ACTG2: variants seen among roughly 807,000 people sequenced by gnomAD.
ACTG2 encodes the protein actin gamma 2, smooth muscle, also known as actin, gamma-enteric smooth muscle.
Under a neutral mutation model 37.6 loss-of-function variants are expected in ACTG2, and 16 were observed. That is an observed-to-expected ratio of 0.43 (90% confidence interval 0.29 to 0.65). The LOEUF is 0.65. ACTG2 is among the 30% of genes least tolerant of loss of function. The pLI, the probability that ACTG2 is intolerant of heterozygous loss-of-function variation, is 0.18. For missense variants in ACTG2, 238 were observed against 490.9 expected, an observed-to-expected ratio of 0.48 and a Z score of 4.87; for synonymous variants, 181 against 179.9, an observed-to-expected ratio of 1.01 and a Z score of -0.05.
At chr2:73,912,799 A>G (rs886980369) in intron 5 of ACTG2, among the ~76,000 whole-genome samples, 1 of 152,240 alleles carries the variant, frequency 6.6e-6, no homozygotes, top group African/African-American at 2.4e-5. Flanking sequence ...AATTGGCTAG[A>G]ACATCCTGGA....
chr2:73,894,536 GTC>G (rs1187116991), intron 1 of ACTG2, among the ~76,000 whole-genome samples: 7 of 152,298 alleles, frequency 4.6e-5, no homozygotes, highest in African/African-American at 1.7e-4. Context: ...GCCAGGCACT[GTC>G]TCTGCTCCTT....
At chr2:73,912,400 G>GC (rs1216218627) in intron 5 of ACTG2, among the ~76,000 whole-genome samples, 1 of 152,150 alleles carries the variant, frequency 6.6e-6, no homozygotes, top group Non-Finnish European at 1.5e-5. Context: ...CAAGTGATCT[G>GC]CCCCCCTTGG....
intron 1 of ACTG2, among the ~76,000 whole-genome samples, chr2:73,896,569 G>C (rs1264872004): frequency 6.6e-6 from 1 of 152,118 alleles, no homozygotes; most frequent in Non-Finnish European, 1.5e-5. Flanking sequence ...GGAGAAGAGG[G>C]TAAAGGAAGG....
rs1679880750 is a variant in ACTG2 at position 73,901,572 on chromosome 2, GTGTGTGTGTC to G, written c.126+140_126+149del. ...TGTGTGTGTGTGTGTGTGTGTGTGT[GTGTGTGTGTC>G]TGTGCGTGTGTGTGTGTGTGTGTCT... On this transcript the variant is annotated intron_variant, in intron 2 of 8. Coordinates refer to ENST00000345517, the MANE Select transcript of ACTG2 (RefSeq NM_001615.4). 6 of 202,522 alleles carry G rather than the reference GTGTGTGTGTC, an allele frequency of 3.0e-5. No homozygotes were observed. In the African/African-American group the frequency reaches 3.0e-4, roughly 10 times the overall value. The allele number at this position is 202,522 out of a possible 1,614,324, so 12.5% of individuals were successfully genotyped here. A position where few individuals can be genotyped will look rare whatever the true frequency, so the allele number is the denominator to read the frequency against.
intron 3 of ACTG2, among the ~76,000 whole-genome samples, chr2:73,905,717 G>A (rs1680002394): frequency 6.6e-6 from 1 of 152,110 alleles, no homozygotes; most frequent in South Asian, 2.1e-4. Flanking sequence ...ACAGAAATCA[G>A]AAAGTCTTCC....
intron 3 of ACTG2, among the ~76,000 whole-genome samples, chr2:73,906,354 C>T (rs1408285130): frequency 6.6e-6 from 1 of 151,780 alleles, no homozygotes; most frequent in Non-Finnish European, 1.5e-5. Flanking sequence ...GGGAGGCTGA[C>T]GCAGGAGAAT....
intron 5 of ACTG2, among the ~76,000 whole-genome samples, chr2:73,910,536 T>C (rs1680109672): frequency 6.9e-6 from 1 of 145,086 alleles, no homozygotes; most frequent in African/African-American, 2.6e-5. Flanking sequence ...TCTCACTCTG[T>C]CACCCAGGCT....
chr2:73,908,581 A>G (rs1450805058), intron 3 of ACTG2, 92 bp from the exon 4 acceptor site: 16 of 1,083,938 alleles, frequency 1.5e-5, no homozygotes, highest in Admixed American at 2.5e-5. Flanking sequence ...CCTGTGTAAC[A>G]TGGTGCCACA....
At chr2:73,910,242 C>A (rs1053878432) in intron 5 of ACTG2, among the ~76,000 whole-genome samples, 6 of 147,730 alleles carry the variant, frequency 4.1e-5, no homozygotes, top group African/African-American at 1.2e-4. Flanking sequence ...ATATATTATT[C>A]TTTCTTCAAT....
chr2:73,900,352 A>G (rs1679849443), intron 1 of ACTG2, among the ~76,000 whole-genome samples: 1 of 152,226 alleles, frequency 6.6e-6, no homozygotes, highest in South Asian at 2.1e-4. Flanking sequence ...AATTTGTCAG[A>G]TGCTGTTTGT....
chr2:73,915,444 G>A (rs114875432), intron 7 of ACTG2, among the ~76,000 whole-genome samples: 1,765 of 150,384 alleles, frequency 0.012, 42 homozygotes, highest in African/African-American at 0.041. Context: ...CGCTTGAGCC[G>A]CAGAGATCAA....
chr2:73,895,551 T>C (rs1459518329), intron 1 of ACTG2, among the ~76,000 whole-genome samples: 1 of 152,186 alleles, frequency 6.6e-6, no homozygotes, highest in Non-Finnish European at 1.5e-5. Context: ...ACATGTCACT[T>C]GAAGCTCTCA....
intron 1 of ACTG2, among the ~76,000 whole-genome samples, chr2:73,893,493 A>G (rs1435177340): frequency 6.6e-6 from 1 of 152,198 alleles, no homozygotes; most frequent in Non-Finnish European, 1.5e-5. Flanking sequence ...TGTTTAGTCC[A>G]TGAAATGTCT....
At position 73,919,655 on chromosome 2, in the gene ACTG2, TTC is replaced by T. The variant is rs1680338651; in HGVS notation, c.*84_*85del. ...AAACATTAAAACCTACAAGCCTTAC[TTC>T]TCTGTGTGGGGCTCTTTTTTCCTGG... On this transcript the variant is annotated 3_prime_UTR_variant, in exon 9 of 9. Transcript: ENST00000345517. The T allele has an allele frequency of 2.0e-6, 3 of 1,504,052 alleles. No individual in the cohort carries two copies. The highest frequency in any genetic ancestry group is 2.7e-6 in the Non-Finnish European group (3 of 1,110,544). 93.2% of individuals were successfully genotyped at this position (1,504,052 alleles called of 1,614,324 possible).
intron 1 of ACTG2, among the ~76,000 whole-genome samples, chr2:73,895,112 G>A (rs1679716313): frequency 1.3e-5 from 2 of 152,094 alleles, no homozygotes; most frequent in South Asian, 4.1e-4. Flanking sequence ...CAGGGTGGGT[G>A]GTGTGAGTCT....
intron 3 of ACTG2, among the ~76,000 whole-genome samples, chr2:73,905,935 TAA>T (rs1200096182): frequency 2.0e-5 from 3 of 151,666 alleles, no homozygotes; most frequent in Non-Finnish European, 4.4e-5. Context: ...TTCAAAAGTT[TAA>T]GTTTATCAAA....
At chr2:73,918,950 C>T (rs1392066085) in intron 8 of ACTG2, among the ~76,000 whole-genome samples, 1 of 152,202 alleles carries the variant, frequency 6.6e-6, no homozygotes, top group Admixed American at 6.5e-5. Flanking sequence ...ATTTATTACT[C>T]GTGCATCTGC....
rs58042852 is a variant in ACTG2 at position 73,901,532 on chromosome 2, ATGTGTG to A, written c.126+139_126+144del. 2.8e-3 allele frequency: 3,225 copies of A among 1,144,010 alleles called. 18 individuals are homozygous for A. The highest frequency in any genetic ancestry group is 0.026 in the African/African-American group (1,344 of 52,428). 70.9% of individuals were successfully genotyped at this position (1,144,010 alleles called of 1,614,324 possible). On this transcript the variant is annotated intron_variant, in intron 2 of 8. Coordinates refer to ENST00000345517, the MANE Select transcript of ACTG2 (RefSeq NM_001615.4). The stretch of plus-strand genomic sequence containing the variant: ...CTGAGCTGGGGGTTAGGGGAAGGAA[ATGTGTG>A]TGTGTGTGTGTGTGTGTGTGTGTGT...
At chr2:73,902,039 G>C (rs200508462) in intron 2 of ACTG2, among the ~76,000 whole-genome samples, 56 of 40,760 alleles carry the variant, frequency 1.4e-3, no homozygotes, top group Admixed American at 2.8e-3. Flanking sequence ...GTGTGTGTGT[G>C]TCTGTGTGTG....
Sources: gnomAD v4.1 joint callset for allele counts (sites outside exome capture counted in the v4.1 genomes callset) on GRCh38, gnomAD v4.1.1 for gene constraint, MANE v1.5 for transcripts, NCBI Gene and HGNC (gene_info 2026-07-23, HGNC 2026-07-21) for gene names.